DUSP4: variants seen among roughly 807,000 people sequenced by gnomAD.
DUSP4 encodes dual specificity phosphatase 4.
A neutral mutation model predicts 27.2 loss-of-function variants in DUSP4; 12 were observed. The observed-to-expected ratio is 0.44, with a 90% confidence interval of 0.28 to 0.71. The LOEUF (loss-of-function observed/expected upper bound fraction) is 0.71, where lower values mean the gene tolerates loss of function less well. Ranked by LOEUF, DUSP4 falls within the 30% of genes least tolerant of loss-of-function variation. The pLI is 0.14. For synonymous variants in DUSP4, 257 were observed against 245.2 expected (o/e 1.05, Z -0.45); for missense variants, 448 against 551.3 (o/e 0.81, Z 1.88).
At chr8:29,338,031 A>AC (rs1442088040) in intron 3 of DUSP4, among the ~76,000 whole-genome samples, 1 of 152,160 alleles carries the variant, frequency 6.6e-6, no homozygotes, top group Non-Finnish European at 1.5e-5. Flanking sequence ...AAAAACTCTT[A>AC]CCATCTAGGC....
chr8:29,338,887 T>G (rs1027775569), intron 2 of DUSP4, among the ~76,000 whole-genome samples: 2 of 152,256 alleles, frequency 1.3e-5, no homozygotes, highest in Admixed American at 6.5e-5. Context: ...TGTTTTGATA[T>G]GTATTCACTG....
intron 1 of DUSP4, chr8:29,345,620 C>T (rs1817721597): frequency 6.7e-7 from 1 of 1,493,666 alleles, no homozygotes; most frequent in African/African-American, 1.4e-5. Context: ...CAAGGAATTT[C>T]TTGGCTCGGG....
intron 1 of DUSP4, chr8:29,345,613 G>T: frequency 6.7e-7 from 1 of 1,486,314 alleles, no homozygotes; most frequent in Non-Finnish European, 8.9e-7. Context: ...TTTTTTTCAA[G>T]GAATTTCTTG....
chr8:29,349,725 G>C (rs778264470), intron 1 of DUSP4, 121 bp downstream of exon 1: 101 of 1,329,922 alleles, frequency 7.6e-5, no homozygotes, highest in Non-Finnish European at 9.7e-5. Flanking sequence ...ACAAAGGGGC[G>C]CGCGGGGATC....
At chr8:29,340,914 G>A (rs1242883239) in intron 1 of DUSP4, among the ~76,000 whole-genome samples, 2 of 152,176 alleles carry the variant, frequency 1.3e-5, no homozygotes, top group African/African-American at 4.8e-5. Context: ...ATCTTCCAGA[G>A]AAGGGAGATC....
In DUSP4 at chr8:29,347,063, TTACTCCAG is replaced by T. The variant is rs566727366; in HGVS notation, c.433+2775_433+2782del. Among the ~76,000 whole-genome samples the T allele has an allele frequency of 2.7e-4, 41 of 152,302 alleles. No homozygotes were observed. In the South Asian group the frequency reaches 8.5e-3, roughly 32 times the overall value. On this transcript the variant is annotated intron_variant, in intron 1 of 3. Coordinates refer to ENST00000240100, the MANE Select transcript of DUSP4 (RefSeq NM_001394.7). ...TTCCCTCGCTGGAAAATAAAATGAATTACTCCAGTAGGAAACAAATTCTCCAACCCTTC... is the reference window on the plus strand; with the variant it reads ...TTCCCTCGCTGGAAAATAAAATGAATTAGGAAACAAATTCTCCAACCCTTC...
rs1454938130 is a variant in DUSP4, at chr8:29,349,998, C to T, written c.281G>A (p.Arg94His). Residue 94 changes from arginine to histidine, a missense_variant, in exon 1 of 4, where the codon CGC becomes CAC. Coordinates refer to ENST00000240100, the MANE Select transcript of DUSP4 (RefSeq NM_001394.7). Reference sequence around the variant, plus strand: ...GTAGAGGCCGGAGCGCAAGCGGGCGCGTACCTCCTCCTCGGCGGGCAGGAT... The same window carrying T: ...GTAGAGGCCGGAGCGCAAGCGGGCGTGTACCTCCTCCTCGGCGGGCAGGAT... The part of the protein sequence containing the change: ...EQILPAEEEV[R>H]ARLRSGLYSA... 8.1e-6 allele frequency: 13 copies of T among 1,595,104 alleles called. No individual in the cohort carries two copies.
intron 1 of DUSP4, chr8:29,347,842 C>T (rs980739093): frequency 1.0e-6 from 1 of 985,594 alleles, no homozygotes; most frequent in Non-Finnish European, 1.2e-6. Context: ...CTCCAGGGCT[C>T]TCGAATCGGT....
chr8:29,336,268 C>T lies in DUSP4; in HGVS notation c.*758G>A, dbSNP rs1172369928. ...TCTTCCCTTTCTTCCTCCTCCCACC[C>T]AACCCGCCTGCTTCTCAGTGGCAAC... On this transcript the variant is annotated 3_prime_UTR_variant, in exon 4 of 4. Coordinates refer to ENST00000240100, the MANE Select transcript of DUSP4 (RefSeq NM_001394.7). 1 of 151,972 alleles carries T rather than the reference C, an allele frequency of 6.6e-6. No individual in the cohort carries two copies. The highest frequency in any genetic ancestry group is 1.5e-5 in the Non-Finnish European group (1 of 68,032). The allele number at this position is 151,972 out of a possible 1,614,324, so 9.4% of individuals were successfully genotyped here.
At chr8:29,343,359 A>G (rs1257593235) in intron 1 of DUSP4, among the ~76,000 whole-genome samples, 3 of 152,092 alleles carry the variant, frequency 2.0e-5, no homozygotes, top group Non-Finnish European at 4.4e-5. Flanking sequence ...CTCATGGGTG[A>G]GAACGATATG....
At position 29,337,533 on chromosome 8, in the gene DUSP4, A is replaced by AC; in HGVS notation, c.800-123dup. ...AAGGACTAGCCGTGCTAGACCAAGG[A>AC]CTGGAGAGGAAGAAAACCCATGTAG... On this transcript the variant is annotated intron_variant, in intron 3 of 3. Transcript: ENST00000240100. The surrounding 1 kb of genome is among the most constrained non-coding windows in gnomAD (Gnocchi z 6.4). 7.3e-7 allele frequency: 1 copy of AC among 1,374,518 alleles called. No individual in the cohort carries two copies. The highest frequency in any genetic ancestry group is 2.4e-5 in the East Asian group (1 of 41,612). The allele number at this position is 1,374,518 out of a possible 1,614,324, so 85.1% of individuals were successfully genotyped here.
chr8:29,347,574 G>T (rs915159385), intron 1 of DUSP4, among the ~76,000 whole-genome samples: 1 of 152,192 alleles, frequency 6.6e-6, no homozygotes, highest in African/African-American at 2.4e-5. Flanking sequence ...TGGCTAGGAG[G>T]GGCTATTCTA....
chr8:29,348,633 C>T, intron 1 of DUSP4: 1 of 985,520 alleles, frequency 1.0e-6, no homozygotes, highest in Non-Finnish European at 1.2e-6. Flanking sequence ...CCGCACTGAA[C>T]AGTTTTGTTG....
Position 29,349,845 on chromosome 8 carries a change from C to A in DUSP4, c.433+1G>T. The A allele has an allele frequency of 1.3e-6, 2 of 1,493,844 alleles. No homozygotes were observed. Among genetic ancestry groups the A allele is most frequent in the Non-Finnish European group, 1.8e-6 (2 of 1,128,694 alleles). 92.5% of individuals were successfully genotyped at this position (1,493,844 alleles called of 1,614,324 possible). On this transcript the variant is annotated splice_donor_variant, in intron 1 of 3. Coordinates refer to ENST00000240100, the MANE Select transcript of DUSP4 (RefSeq NM_001394.7). LOFTEE classifies it high-confidence loss of function. ...AGCTAGCGCCCGGAGCCCTCGTTTA[C>A]CTTTGAGCAGGCAGATGTCGGTGCG...
chr8:29,349,904 C>G lies in DUSP4; in HGVS notation c.375G>C (p.Ser125=), dbSNP rs1587054902. 2.6e-6 allele frequency: 4 copies of G among 1,557,524 alleles called. No homozygotes were observed. In the East Asian group the frequency reaches 9.2e-5, roughly 36 times the overall value. ...TGCGGCGCAGCGCCTGCACCACCAG[C>G]GACACGGTGCTGTCCTCGCGGAGGC... The part of the protein sequence containing the change: ...AESLREDSTV[S]LVVQALRRNA... Residue 125 remains serine, a synonymous_variant, in exon 1 of 4, where the codon TCG becomes TCC. Coordinates refer to ENST00000240100, the MANE Select transcript of DUSP4 (RefSeq NM_001394.7).
intron 1 of DUSP4, among the ~76,000 whole-genome samples, chr8:29,344,091 A>G (rs937313393): frequency 2.0e-5 from 3 of 152,230 alleles, no homozygotes; most frequent in African/African-American, 7.2e-5. Context: ...TCCAGGTGTA[A>G]GTCCAACTCA....
In DUSP4 at chr8:29,341,283, G is replaced by A. The variant is rs575429244; in HGVS notation, c.434-1040C>T. Reference sequence around the variant, plus strand: ...AATGACAATTTGGCCAACAGTCCTGGATGTCGCTACCTTTGCGGTCTTCAT... The same window carrying A: ...AATGACAATTTGGCCAACAGTCCTGAATGTCGCTACCTTTGCGGTCTTCAT... On this transcript the variant is annotated intron_variant, in intron 1 of 3. Coordinates refer to ENST00000240100, the MANE Select transcript of DUSP4 (RefSeq NM_001394.7). Among the ~76,000 whole-genome samples the A allele has an allele frequency of 7.9e-5, 12 of 152,336 alleles. No individual in the cohort carries two copies. In the South Asian group the frequency reaches 2.5e-3, roughly 32 times the overall value.
In DUSP4 at chr8:29,335,018, G is replaced by A. The variant is rs749474572; in HGVS notation, c.*2008C>T. The A allele has an allele frequency of 6.6e-6, 1 of 152,048 alleles. No individual in the cohort carries two copies. Among genetic ancestry groups the A allele is most frequent in the Non-Finnish European group, 1.5e-5 (1 of 68,028 alleles). The allele number at this position is 152,048 out of a possible 1,614,324, so 9.4% of individuals were successfully genotyped here. On this transcript the variant is annotated 3_prime_UTR_variant, in exon 4 of 4. Transcript: ENST00000240100. ...ATGAGAAAGAGTATCCCAACGTGAC[G>A]GTGACATTGAGGCTTGACGTTATTT...
chr8:29,346,830 T>C (rs1693165672), intron 1 of DUSP4, among the ~76,000 whole-genome samples: 6 of 152,134 alleles, frequency 3.9e-5, no homozygotes, highest in Non-Finnish European at 7.4e-5. Context: ...GTGGCAGAAA[T>C]AGAAAAACTG....
Sources: gnomAD v4.1 joint callset for allele counts (sites outside exome capture counted in the v4.1 genomes callset) on GRCh38, gnomAD v4.1.1 for gene constraint, Gnocchi (gnomAD v3.1) non-coding constraint, MANE v1.5 for transcripts, NCBI Gene and HGNC (gene_info 2026-07-23, HGNC 2026-07-21) for gene names.